Variants in STPG2 observed in about 807,000 individuals in gnomAD.
The protein encoded by STPG2 is sperm-tail PG-rich repeat-containing protein 2.
A neutral mutation model predicts 54.2 loss-of-function variants in STPG2; 56 were observed. The ratio of observed to expected loss-of-function variants is 1.03; its 90% CI spans 0.83 to 1.29. STPG2 has a LOEUF of 1.29. Ranked by LOEUF, STPG2 falls within the 50% of genes most tolerant of loss-of-function variation. The pLI is 0.00. For missense variants in STPG2, 596 were observed against 544.9 expected, an observed-to-expected ratio of 1.09 and a Z score of -0.93; for synonymous variants, 200 against 181.8, an observed-to-expected ratio of 1.10 and a Z score of -0.81.
chr4:97,962,457 A>T (rs1038061826), intron 7 of STPG2, among the ~76,000 whole-genome samples: 2 of 152,238 alleles, frequency 1.3e-5, no homozygotes, highest in Non-Finnish European at 2.9e-5. Flanking sequence ...AATTAAACAT[A>T]AATCAATTGA....
chr4:97,675,719 C>T (rs1722817393), intron 10 of STPG2, among the ~76,000 whole-genome samples: 1 of 151,206 alleles, frequency 6.6e-6, no homozygotes, highest in Non-Finnish European at 1.5e-5. Flanking sequence ...TATATGAAGC[C>T]ACCTTCCCTC....
At chr4:97,964,769 A>T (rs1560612811) in intron 7 of STPG2, among the ~76,000 whole-genome samples, 1 of 152,176 alleles carries the variant, frequency 6.6e-6, no homozygotes, top group Non-Finnish European at 1.5e-5. Flanking sequence ...TACATCTTAA[A>T]ACTGTACTAC....
intron 9 of STPG2, among the ~76,000 whole-genome samples, chr4:97,754,359 C>T (rs567313233): frequency 2.0e-5 from 3 of 152,138 alleles, no homozygotes; most frequent in South Asian, 4.2e-4. Context: ...ATGCCCAATC[C>T]GCTTTTGTTT....
chr4:97,657,583 C>T (rs1162576343), intron 10 of STPG2, among the ~76,000 whole-genome samples: 1 of 152,106 alleles, frequency 6.6e-6, no homozygotes, highest in African/African-American at 2.4e-5. Context: ...GTGGTGAATT[C>T]CCTTAGGGTA....
chr4:98,082,506 C>T (rs927998746), intron 5 of STPG2, among the ~76,000 whole-genome samples: 2 of 118,622 alleles, frequency 1.7e-5, no homozygotes, highest in African/African-American at 6.7e-5. Flanking sequence ...GGCTGGAGTA[C>T]GGTGGCTCAA....
intron 9 of STPG2, among the ~76,000 whole-genome samples, chr4:97,717,802 T>G (rs1251307830): frequency 6.6e-6 from 1 of 152,120 alleles, no homozygotes; most frequent in Non-Finnish European, 1.5e-5. Context: ...CTAAAACCAC[T>G]TTGAGTAGGC....
chr4:98,061,429 C>A (rs967511022), intron 5 of STPG2, among the ~76,000 whole-genome samples: 1 of 152,088 alleles, frequency 6.6e-6, no homozygotes, highest in African/African-American at 2.4e-5. Context: ...GTGCCACACA[C>A]TTTTAAACCA....
intron 10 of STPG2, among the ~76,000 whole-genome samples, chr4:97,625,388 C>A (rs1480359744): frequency 6.6e-6 from 1 of 152,154 alleles, no homozygotes; most frequent in Non-Finnish European, 1.5e-5. Flanking sequence ...TCGGCCCATG[C>A]AACCTCTGCT....
chr4:97,811,628 C>T (rs1224432697), intron 9 of STPG2, among the ~76,000 whole-genome samples: 1 of 151,436 alleles, frequency 6.6e-6, no homozygotes, highest in Non-Finnish European at 1.5e-5. Flanking sequence ...TAATATTACA[C>T]TTCTAAAAAG....
chr4:97,710,594 T>C (rs1455924030), intron 10 of STPG2, among the ~76,000 whole-genome samples: 3 of 152,052 alleles, frequency 2.0e-5, no homozygotes, highest in Admixed American at 2.0e-4. Flanking sequence ...GAATTATCTT[T>C]TCCTGTTAAA....
chr4:97,676,856 G>T (rs1002751435), intron 10 of STPG2, among the ~76,000 whole-genome samples: 9 of 152,062 alleles, frequency 5.9e-5, no homozygotes, highest in African/African-American at 1.9e-4. Flanking sequence ...CAAGGCAAAT[G>T]ACCTGTTTCA....
chr4:97,643,509 A>C (rs1336395619), intron 10 of STPG2, among the ~76,000 whole-genome samples: 1 of 151,688 alleles, frequency 6.6e-6, no homozygotes, highest in East Asian at 1.9e-4. Flanking sequence ...GTTTTATTTC[A>C]TTTATTCTGC....
At position 98,001,008 on chromosome 4, in the gene STPG2, T is replaced by C. The variant is rs146392637; in HGVS notation, c.613-19690A>G. On this transcript the variant is annotated intron_variant, in intron 5 of 10. Transcript: ENST00000295268. Reference sequence around the variant, plus strand: ...TGCTTTGGAGTTGATGGTTGTCTTATGCAGTTTTAACCAAACATGAAATTG... The same window carrying C: ...TGCTTTGGAGTTGATGGTTGTCTTACGCAGTTTTAACCAAACATGAAATTG... Among the ~76,000 whole-genome samples, 387 of 152,294 alleles carry C rather than the reference T, an allele frequency of 2.5e-3. 2 individuals carry two copies. The highest frequency in any genetic ancestry group is 8.6e-3 in the African/African-American group (359 of 41,586).
chr4:97,929,570 T>C (rs1411250584), intron 8 of STPG2, among the ~76,000 whole-genome samples: 1 of 152,208 alleles, frequency 6.6e-6, no homozygotes, highest in Non-Finnish European at 1.5e-5. Context: ...ATAGCCTTTC[T>C]CACTGGTGTC....
At chr4:98,111,619 A>G (rs1309214353) in intron 3 of STPG2, among the ~76,000 whole-genome samples, 1 of 152,172 alleles carries the variant, frequency 6.6e-6, no homozygotes, top group Non-Finnish European at 1.5e-5. Flanking sequence ...CCTGGCCTGA[A>G]AAAATTAAAT....
chr4:97,457,855 C>T (rs976940391), intron 4 of STPG2, among the ~76,000 whole-genome samples: 4 of 151,976 alleles, frequency 2.6e-5, no homozygotes, highest in Admixed American at 6.5e-5. Context: ...TAAAAGAAAC[C>T]TAGAGGAAAA....
chr4:98,043,097 CTAAAGA>C (rs764766237), intron 5 of STPG2, among the ~76,000 whole-genome samples: 8 of 152,142 alleles, frequency 5.3e-5, no homozygotes, highest in East Asian at 1.9e-4. Context: ...CTTTTAGTCT[CTAAAGA>C]TAGTTTTTTT....
intron 8 of STPG2, among the ~76,000 whole-genome samples, chr4:97,933,194 T>C (rs1732616276): frequency 6.6e-6 from 1 of 152,178 alleles, no homozygotes; most frequent in Admixed American, 6.5e-5. Flanking sequence ...TCATGTCCTT[T>C]GCCCACTTTT....
intron 10 of STPG2, among the ~76,000 whole-genome samples, chr4:97,585,951 G>T (rs528065852): frequency 6.6e-6 from 1 of 151,474 alleles, no homozygotes; most frequent in Non-Finnish European, 1.5e-5. Context: ...ATTAAAAATC[G>T]CCCATCATAC....
Sources: allele counts gnomAD v4.1 joint callset (sites outside exome capture counted in the v4.1 genomes callset), GRCh38; gene constraint gnomAD v4.1.1; transcripts MANE v1.5; gene names NCBI Gene and HGNC (gene_info 2026-07-23, HGNC 2026-07-21).